NELL1: variants seen among roughly 807,000 people sequenced by gnomAD.
NELL1 encodes protein kinase C-binding protein NELL1.
In NELL1, 76 loss-of-function variants were observed where a neutral mutation model predicts 107.4. The observed-to-expected ratio is 0.71, with a 90% CI of 0.59 to 0.86. The LOEUF is 0.86. NELL1 is among the 40% of genes least tolerant of loss of function. NELL1 has a pLI of 0.00. For synonymous variants in NELL1, 353 were observed against 341.2 expected (o/e 1.03, Z -0.38); for missense variants, 1,024 against 1,005.5 (o/e 1.02, Z -0.25).
At chr11:21,271,558 A>T (rs969653578) in intron 14 of NELL1, among the ~76,000 whole-genome samples, 22 of 152,216 alleles carry the variant, frequency 1.4e-4, no homozygotes, top group African/African-American at 5.3e-4. Context: ...TATGAAAGAA[A>T]TTATACAAAT....
chr11:21,207,219 C>T (rs996955449), intron 13 of NELL1, among the ~76,000 whole-genome samples: 4 of 152,144 alleles, frequency 2.6e-5, no homozygotes, highest in Non-Finnish European at 5.9e-5. Context: ...CTACTGGACA[C>T]TTTTTTGCGT....
At chr11:21,282,796 G>A (rs1392423897) in intron 14 of NELL1, among the ~76,000 whole-genome samples, 2 of 152,152 alleles carry the variant, frequency 1.3e-5, no homozygotes, top group Non-Finnish European at 2.9e-5. Context: ...GAAATGAATA[G>A]ACAAAGAAAA....
At chr11:20,977,457 G>A (rs1851661689) in intron 12 of NELL1, among the ~76,000 whole-genome samples, 1 of 151,836 alleles carries the variant, frequency 6.6e-6, no homozygotes, top group African/African-American at 2.4e-5. Context: ...CTAGAGACAG[G>A]GTTTCACCAT....
At chr11:21,077,135 C>T (rs1053850568) in intron 12 of NELL1, among the ~76,000 whole-genome samples, 28 of 152,050 alleles carry the variant, frequency 1.8e-4, no homozygotes, top group Non-Finnish European at 2.9e-4. Flanking sequence ...GGGTCATTCA[C>T]ACCGAGTTGC....
At chr11:21,314,229 T>A (rs995378236) in intron 14 of NELL1, among the ~76,000 whole-genome samples, 4 of 152,108 alleles carry the variant, frequency 2.6e-5, no homozygotes, top group Non-Finnish European at 5.9e-5. Context: ...ACAAATGGGT[T>A]GATCCATTCA....
intron 11 of NELL1, among the ~76,000 whole-genome samples, chr11:20,949,488 T>A (rs1042326279): frequency 6.6e-6 from 1 of 152,234 alleles, no homozygotes; most frequent in Non-Finnish European, 1.5e-5. Context: ...GTAGGTCTTA[T>A]AATTTAATGC....
intron 15 of NELL1, among the ~76,000 whole-genome samples, chr11:21,480,581 C>G (rs1040522502): frequency 2.0e-5 from 3 of 152,142 alleles, no homozygotes; most frequent in Non-Finnish European, 4.4e-5. Flanking sequence ...CTGCTTTAAG[C>G]TAAAATAGCT....
chr11:20,857,313 C>G (rs772908113), intron 4 of NELL1, among the ~76,000 whole-genome samples: 19 of 152,182 alleles, frequency 1.2e-4, no homozygotes, highest in Non-Finnish European at 2.2e-4. Flanking sequence ...TATAGCCCCC[C>G]GAGTGTTCTT....
At chr11:21,425,621 G>A (rs904022197) in intron 15 of NELL1, among the ~76,000 whole-genome samples, 1 of 152,130 alleles carries the variant, frequency 6.6e-6, no homozygotes, top group Admixed American at 6.5e-5. Context: ...GAAAAAGCAA[G>A]GAAACCAATT....
rs1369862559 is a variant in NELL1, at chr11:20,669,815, A to G, written c.55+37A>G. On this transcript the variant is annotated intron_variant, in intron 1 of 19. Coordinates refer to ENST00000357134, the MANE Select transcript of NELL1 (RefSeq NM_006157.5). The surrounding 1 kb of genome is among the most constrained non-coding windows in gnomAD (Gnocchi z 4.4). ...TGTGGCGGTTAGAGGGATCCGGGAA[A>G]TGGGGGTGCCCACAGACCACGGCGG... is the stretch of plus-strand genomic sequence containing the variant. 1 of 1,581,296 alleles carries G rather than the reference A, an allele frequency of 6.3e-7. No homozygotes were observed. Among genetic ancestry groups the G allele is most frequent in the East Asian group, 2.2e-5 (1 of 44,552 alleles).
chr11:21,511,420 G>T (rs777160883), intron 15 of NELL1, among the ~76,000 whole-genome samples: 1 of 152,116 alleles, frequency 6.6e-6, no homozygotes, highest in Non-Finnish European at 1.5e-5. Flanking sequence ...CTCACCAACG[G>T]CAATCTGGAG....
rs567201626 is a variant in NELL1, at chr11:20,933,247, T to A, written c.998-4539T>A. 3.3e-5 allele frequency among the ~76,000 whole-genome samples: 5 copies of A among 152,208 alleles called. No homozygotes were observed. The East Asian group carries it at 9.7e-4, about 29-fold the overall frequency. On this transcript the variant is annotated intron_variant, in intron 9 of 19. Coordinates refer to ENST00000357134, the MANE Select transcript of NELL1 (RefSeq NM_006157.5). ...GGGAAGATGCAAAGGAAGGGAAGGA[T>A]GTGGGTGACAGCCAAAGGAGCTGGC...
intron 12 of NELL1, among the ~76,000 whole-genome samples, chr11:20,998,220 T>C (rs1852134456): frequency 6.6e-6 from 1 of 152,168 alleles, no homozygotes; most frequent in African/African-American, 2.4e-5. Flanking sequence ...GTTTTACTTA[T>C]AGCCCTGTTT....
At chr11:20,937,395 T>C (rs1362922344) in intron 9 of NELL1, among the ~76,000 whole-genome samples, 3 of 152,234 alleles carry the variant, frequency 2.0e-5, no homozygotes, top group Non-Finnish European at 4.4e-5. Context: ...GAATGGAATA[T>C]ATGTGAGTCC....
chr11:20,913,195 A>G (rs1302740546), intron 5 of NELL1, among the ~76,000 whole-genome samples: 1 of 152,116 alleles, frequency 6.6e-6, no homozygotes, highest in African/African-American at 2.4e-5. Flanking sequence ...AACAGAACAC[A>G]TCTTCATCCA....
intron 2 of NELL1, among the ~76,000 whole-genome samples, chr11:20,697,052 A>G (rs892254029): frequency 1.3e-5 from 2 of 152,166 alleles, no homozygotes; most frequent in African/African-American, 2.4e-5. Context: ...TTCACTATGT[A>G]TAGAAAAACC....
intron 12 of NELL1, among the ~76,000 whole-genome samples, chr11:21,036,018 G>A (rs1370193583): frequency 6.6e-6 from 1 of 152,136 alleles, no homozygotes; most frequent in African/African-American, 2.4e-5. Context: ...TTCTTAAGCT[G>A]ATAAACAACT....
intron 2 of NELL1, among the ~76,000 whole-genome samples, chr11:20,775,041 T>C (rs1856722494): frequency 6.6e-6 from 1 of 152,240 alleles, no homozygotes; most frequent in Admixed American, 6.5e-5. Flanking sequence ...TTTTCTTCTT[T>C]TGTAGGATGT....
At chr11:20,723,128 T>A (rs1484996765) in intron 2 of NELL1, among the ~76,000 whole-genome samples, 4 of 152,146 alleles carry the variant, frequency 2.6e-5, no homozygotes, top group Non-Finnish European at 5.9e-5. Flanking sequence ...TGGGTGGGAA[T>A]ACAGAACCAA....
Sources: gnomAD v4.1 joint callset for allele counts (sites outside exome capture counted in the v4.1 genomes callset) on GRCh38, gnomAD v4.1.1 for gene constraint, Gnocchi (gnomAD v3.1) non-coding constraint, MANE v1.5 for transcripts, NCBI Gene and HGNC (gene_info 2026-07-23, HGNC 2026-07-21) for gene names.